The following AHCYL1 variants were observed in gnomAD, a reference collection of about 807,000 sequenced individuals.
The protein encoded by AHCYL1 is adenosylhomocysteinase like 1.
In AHCYL1, 20 loss-of-function variants were observed where a neutral mutation model predicts 79.3. The ratio of observed to expected loss-of-function variants is 0.25; its 90% CI spans 0.18 to 0.37. AHCYL1 has a LOEUF of 0.37. Among genes scored for constraint, AHCYL1 ranks in the 10% least tolerant of loss-of-function variants. The pLI is 1.00. For missense variants in AHCYL1, 330 were observed against 673.6 expected (o/e 0.49, Z 5.65); for synonymous variants, 223 against 242.2 (o/e 0.92, Z 0.74).
At chr1:110,004,122 A>G in intron 1 of AHCYL1, 7 of 985,424 alleles carry the variant, frequency 7.1e-6, no homozygotes, top group Non-Finnish European at 8.4e-6. Context: ...CTACTTTGAA[A>G]GGAGTATTGC....
intron 1 of AHCYL1, among the ~76,000 whole-genome samples, chr1:109,988,798 T>G (rs921772090): frequency 6.6e-6 from 1 of 152,224 alleles, no homozygotes; most frequent in Non-Finnish European, 1.5e-5. Context: ...ATTCTTTATT[T>G]GAATGAAGCT....
At chr1:110,004,015 TG>T in intron 1 of AHCYL1, 1 of 985,434 alleles carries the variant, frequency 1.0e-6, no homozygotes, top group Non-Finnish European at 1.2e-6. Flanking sequence ...TTTTTCAAGC[TG>T]TGTGTTCCTT....
intron 1 of AHCYL1, chr1:109,985,448 AG>A: frequency 4.4e-6 from 5 of 1,144,240 alleles, no homozygotes; most frequent in Non-Finnish European, 5.4e-6. Flanking sequence ...TCCTGGATGA[AG>A]GGCCTCGAAG....
rs1220986047 is a variant in AHCYL1 at position 110,022,254 on chromosome 1, A to C, written c.*574A>C. ...ATGGCTTGTTAAGATCAGGAGGCCC[A>C]CTTGGATTTATAGTATAGCCCTTCC... On this transcript the variant is annotated 3_prime_UTR_variant, in exon 17 of 17. Transcript: ENST00000369799. The C allele has an allele frequency of 6.6e-6, 1 of 152,226 alleles. No individual in the cohort carries two copies. The highest frequency in any genetic ancestry group is 1.9e-4 in the East Asian group (1 of 5,184). 9.4% of individuals were successfully genotyped at this position (152,226 alleles called of 1,614,324 possible). A position where few individuals can be genotyped will look rare whatever the true frequency, so the allele number is the denominator to read the frequency against.
At chr1:109,996,170 A>T (rs116753569) in intron 1 of AHCYL1, among the ~76,000 whole-genome samples, 1,692 of 152,318 alleles carry the variant, frequency 0.011, 18 homozygotes, top group South Asian at 0.042. Flanking sequence ...AGATGGCATG[A>T]CTACACTCCA....
At chr1:109,985,485 C>T in intron 1 of AHCYL1, 1 of 1,080,224 alleles carries the variant, frequency 9.3e-7, no homozygotes, top group South Asian at 2.8e-5. Flanking sequence ...GGTGAACCAA[C>T]TCAGCTGACC....
intron 9 of AHCYL1, among the ~76,000 whole-genome samples, chr1:110,017,212 T>C (rs572859200): frequency 1.3e-5 from 2 of 152,240 alleles, no homozygotes; most frequent in Non-Finnish European, 2.9e-5. Flanking sequence ...TAGAGGTTGC[T>C]TAGAGTAAGT....
intron 1 of AHCYL1, among the ~76,000 whole-genome samples, chr1:109,999,635 A>C (rs989468912): frequency 3.9e-5 from 6 of 152,248 alleles, no homozygotes; most frequent in Non-Finnish European, 5.9e-5. Context: ...TAATAGCCTT[A>C]CAAGAACTTT....
At chr1:109,988,424 T>A (rs921885344) in intron 1 of AHCYL1, among the ~76,000 whole-genome samples, 1 of 152,226 alleles carries the variant, frequency 6.6e-6, no homozygotes, top group Non-Finnish European at 1.5e-5. Context: ...TTGGCAGTTA[T>A]CGGTCAAACC....
In AHCYL1 at chr1:109,985,083, G is replaced by C; in HGVS notation, c.31G>C (p.Gly11Arg). 2 of 1,607,012 alleles carry C rather than the reference G, an allele frequency of 1.2e-6. No homozygotes were observed. Among genetic ancestry groups the C allele is most frequent in the African/African-American group, 1.3e-5 (1 of 74,470 alleles). Residue 11 changes from glycine (G) to arginine (R), a missense_variant, in exon 1 of 17, where the codon GGG (glycine) becomes CGG (arginine). This residue lies in a region of AHCYL1 where 66 missense variants were observed against 68.0 expected (regional missense o/e 0.97). Coordinates refer to ENST00000369799, the MANE Select transcript of AHCYL1 (RefSeq NM_006621.7). The stretch of plus-strand genomic sequence containing the variant: ...GATGCCTGACGCGATGCCGCTGCCC[G>C]GGGTCGGGGAGGAGCTGAAGCAGGC... MSMPDAMPLP[G>R]VGEELKQAKE...
chr1:109,995,100 G>A (rs1262553486), intron 1 of AHCYL1, among the ~76,000 whole-genome samples: 1 of 152,212 alleles, frequency 6.6e-6, no homozygotes, highest in Non-Finnish European at 1.5e-5. Context: ...ATGAATTGAG[G>A]TTGGCAAAGG....
Position 110,018,568 on chromosome 1 carries a change from C to T in AHCYL1, c.1235C>T (p.Pro412Leu), listed in dbSNP as rs775027351. Residue 412 changes from proline (P) to leucine (L), a missense_variant, in exon 13 of 17, where the codon CCG becomes CTG. Pro to Leu is a moderately conservative substitution (Grantham distance 98, BLOSUM62 -3). Around this residue, in one of 6 missense-constraint regions of AHCYL1, gnomAD observed 119 missense variants for 293.3 expected, o/e 0.41. Coordinates refer to ENST00000369799, the MANE Select transcript of AHCYL1 (RefSeq NM_006621.7). ...TEIDVTSLRTPELTWERVRSQ... is the reference protein window; with the variant it reads ...TEIDVTSLRTLELTWERVRSQ... ...TCCTTTCAGACCAGCCTCCGCACTC[C>T]GGAGCTGACGTGGGAGCGAGTACGT... The T allele has an allele frequency of 3.7e-6, 6 of 1,613,944 alleles. No homozygotes were observed. The highest frequency in any genetic ancestry group is 2.2e-5 in the South Asian group (2 of 91,072).
intron 1 of AHCYL1, among the ~76,000 whole-genome samples, chr1:110,004,651 T>C (rs2101714963): frequency 6.6e-6 from 1 of 152,190 alleles, no homozygotes; most frequent in East Asian, 1.9e-4. Context: ...GGCATGGTGG[T>C]GTGGGCCTAT....
At chr1:110,019,908 A>C (rs1651681848) in intron 15 of AHCYL1, among the ~76,000 whole-genome samples, 1 of 152,264 alleles carries the variant, frequency 6.6e-6, no homozygotes, top group South Asian at 2.1e-4. Flanking sequence ...AAGTAGCCTT[A>C]TGAAGTTCAG....
chr1:110,021,575 TG>T, intron 16 of AHCYL1, 98 bp from the exon 17 acceptor site: 1 of 1,202,718 alleles, frequency 8.3e-7, no homozygotes, highest in Non-Finnish European at 1.2e-6. Context: ...CCACCCAGGC[TG>T]GGGAGGGGCC....
chr1:110,019,113 A>G lies in AHCYL1; in HGVS notation c.1380A>G (p.Thr460=), dbSNP rs1212250564. ...VPTFVLSITA[T]TQALALIELY... ...CCTTTGTTCTGTCCATCACAGCCAC[A>G]ACACAGGTATGTGGCAAAATGCCTG... The change falls in exon 14 of 17, where the codon ACA becomes ACG. Residue 460 remains threonine (T), a synonymous_variant. Transcript: ENST00000369799. The G allele has an allele frequency of 6.2e-7, 1 of 1,614,192 alleles. No individual in the cohort carries two copies. The highest frequency in any genetic ancestry group is 8.5e-7 in the Non-Finnish European group (1 of 1,180,032).
At position 109,985,595 on chromosome 1, in the gene AHCYL1, C is replaced by G. The variant is rs192021881; in HGVS notation, c.120+423C>G. The G allele has an allele frequency of 6.4e-5, 62 of 973,904 alleles. No individual in the cohort carries two copies. In the African/African-American group the frequency reaches 7.0e-4, roughly 11 times the overall value. The allele number at this position is 973,904 out of a possible 1,614,324, so 60.3% of individuals were successfully genotyped here. ...CCATCAAATCTTTGGGAGCAGTGGC[C>G]GCTTTATCCAACAACTGCGTGATAG... is the stretch of plus-strand genomic sequence containing the variant. On this transcript the variant is annotated intron_variant, in intron 1 of 16. Coordinates refer to ENST00000369799, the MANE Select transcript of AHCYL1 (RefSeq NM_006621.7).
chr1:110,008,269 A>T (rs1650794970), intron 1 of AHCYL1, among the ~76,000 whole-genome samples: 1 of 151,992 alleles, frequency 6.6e-6, no homozygotes, highest in South Asian at 2.1e-4. Flanking sequence ...ATCTACCCAA[A>T]GTGTTGGGAT....
Position 110,019,644 on chromosome 1 carries a change from G to A in AHCYL1, c.1465+18G>A. The A allele has an allele frequency of 6.2e-7, 1 of 1,603,048 alleles. No individual in the cohort carries two copies. Among genetic ancestry groups the A allele is most frequent in the Non-Finnish European group, 8.5e-7 (1 of 1,174,454 alleles). Reference sequence around the variant, plus strand: ...GAAAATGGGTGAGTGAAAAACAGTGGAAATCTATGCAGACAGCTGCATAGT... The same window carrying A: ...GAAAATGGGTGAGTGAAAAACAGTGAAAATCTATGCAGACAGCTGCATAGT... On this transcript the variant is annotated intron_variant, in intron 15 of 16. Coordinates refer to ENST00000369799, the MANE Select transcript of AHCYL1 (RefSeq NM_006621.7).
Sources: allele counts gnomAD v4.1 joint callset (sites outside exome capture counted in the v4.1 genomes callset), GRCh38; gene constraint gnomAD v4.1.1; regional missense constraint gnomAD v4.1.1; transcripts MANE v1.5; gene names NCBI Gene and HGNC (gene_info 2026-07-23, HGNC 2026-07-21).